EYS: variants seen among roughly 807,000 people sequenced by gnomAD.
The protein encoded by EYS is protein eyes shut homolog.
A neutral mutation model predicts 282.1 loss-of-function variants in EYS; 250 were observed. The ratio of observed to expected loss-of-function variants is 0.89; its 90% CI spans 0.80 to 0.98. EYS has a LOEUF of 0.98. EYS is among the 50% of genes least tolerant of loss of function. The pLI, the probability that EYS is intolerant of heterozygous loss-of-function variation, is 0.00. For missense variants in EYS, 4,016 were observed against 3,709.0 expected, an observed-to-expected ratio of 1.08 and a Z score of -2.15; for synonymous variants, 1,355 against 1,282.9, an observed-to-expected ratio of 1.06 and a Z score of -1.20.
intron 31 of EYS, among the ~76,000 whole-genome samples, chr6:64,096,578 T>C (rs1270782455): frequency 6.6e-6 from 1 of 152,258 alleles, no homozygotes; most frequent in African/African-American, 2.4e-5. Flanking sequence ...CACGTAGTTC[T>C]CATGCTGTGG....
rs560058742 is a variant in EYS at position 63,999,368 on chromosome 6, C to T, written c.6726-185G>A. Among the ~76,000 whole-genome samples, 642 of 152,290 alleles carry T rather than the reference C, an allele frequency of 4.2e-3. 6 individuals are homozygous for T. The highest frequency in any genetic ancestry group is 7.1e-3 in the Non-Finnish European group (482 of 68,006). On this transcript the variant is annotated intron_variant, in intron 33 of 42. Coordinates refer to ENST00000503581, the MANE Select transcript of EYS (RefSeq NM_001142800.2). The stretch of plus-strand genomic sequence containing the variant: ...GATAAAAGATGTATTTCTTTTCTAA[C>T]ACTGCGTTTTATTTTCCTTCTCTCC...
intron 35 of EYS, among the ~76,000 whole-genome samples, chr6:63,962,979 A>G (rs1766142803): frequency 1.3e-5 from 2 of 152,088 alleles, no homozygotes; most frequent in Admixed American, 6.6e-5. Flanking sequence ...TGAAGCTGGA[A>G]ACCATCATTC....
At chr6:64,942,150 T>C (rs1423838313) in intron 15 of EYS, among the ~76,000 whole-genome samples, 1 of 151,878 alleles carries the variant, frequency 6.6e-6, no homozygotes, top group Non-Finnish European at 1.5e-5. Context: ...ATAATAACAA[T>C]GCTGATGTGT....
chr6:65,221,393 C>T (rs1161016941), intron 12 of EYS, among the ~76,000 whole-genome samples: 1 of 152,146 alleles, frequency 6.6e-6, no homozygotes, highest in Admixed American at 6.5e-5. Flanking sequence ...GACTTGATGC[C>T]CTATGTCCCA....
intron 19 of EYS, among the ~76,000 whole-genome samples, chr6:64,866,103 C>T (rs1766417618): frequency 1.3e-5 from 2 of 151,920 alleles, no homozygotes; most frequent in Non-Finnish European, 2.9e-5. Context: ...ATTTTTATTA[C>T]CATATTACAT....
At chr6:63,882,015 G>T (rs1482462) in intron 35 of EYS, among the ~76,000 whole-genome samples, 4 of 152,158 alleles carry the variant, frequency 2.6e-5, no homozygotes, top group African/African-American at 9.7e-5. Flanking sequence ...AACTGATTTA[G>T]CCTTTTGCAT....
intron 31 of EYS, among the ~76,000 whole-genome samples, chr6:64,105,587 A>G (rs1458455171): frequency 1.3e-5 from 2 of 152,084 alleles, no homozygotes; most frequent in African/African-American, 4.8e-5. Flanking sequence ...TGTTCAGCCT[A>G]TTCATCCTTC....
rs972517501 is a variant in EYS at position 63,721,735 on chromosome 6, T to C, written c.8296A>G (p.Arg2766Gly). ...SVQLRYNLGD[R>G]TIILETLQKV... Reference sequence around the variant, plus strand: ...TGGAGAGTTTCTAGAATGATAGTTCTGTCGCCAAGGTTGTAGCGAAGTTGA... The same window carrying C: ...TGGAGAGTTTCTAGAATGATAGTTCCGTCGCCAAGGTTGTAGCGAAGTTGA... The change falls in exon 43 of 43, where the codon AGA (arginine) becomes GGA (glycine). Residue 2766 changes from arginine to glycine, a missense_variant. Arg to Gly is a moderately radical substitution (Grantham distance 125, BLOSUM62 -2). Transcript: ENST00000503581. The C allele has an allele frequency of 6.4e-7, 1 of 1,550,834 alleles. No individual in the cohort carries two copies. Among genetic ancestry groups the C allele is most frequent in the African/African-American group, 1.4e-5 (1 of 73,152 alleles).
intron 1 of EYS, among the ~76,000 whole-genome samples, chr6:65,673,663 T>C (rs1045491242): frequency 6.6e-6 from 1 of 151,950 alleles, no homozygotes; most frequent in African/African-American, 2.4e-5. Flanking sequence ...GACAGTAAGG[T>C]GCATGAAAGT....
intron 6 of EYS, among the ~76,000 whole-genome samples, chr6:65,404,241 C>A (rs1489123151): frequency 1.3e-5 from 2 of 152,032 alleles, no homozygotes; most frequent in East Asian, 3.9e-4. Context: ...CTCTCTTCCA[C>A]TTTAAAGGAC....
rs557577988 is a variant in EYS, at chr6:64,290,263, C to A, written c.6191+16707G>T. Among the ~76,000 whole-genome samples the A allele has an allele frequency of 2.0e-4, 31 of 152,118 alleles. No homozygotes were observed. The Middle Eastern group carries it at 0.014, about 67-fold the overall frequency. ...AATTATCTGTGTATGTGTTCTCCCCCCAATATACTGTGAGTTCCTTAATGA... is the reference window on the plus strand; with the variant it reads ...AATTATCTGTGTATGTGTTCTCCCCACAATATACTGTGAGTTCCTTAATGA... On this transcript the variant is annotated intron_variant, in intron 30 of 42. Coordinates refer to ENST00000503581, the MANE Select transcript of EYS (RefSeq NM_001142800.2).
At chr6:64,903,112 A>G (rs959927447) in intron 16 of EYS, among the ~76,000 whole-genome samples, 2 of 152,140 alleles carry the variant, frequency 1.3e-5, no homozygotes, top group African/African-American at 4.8e-5. Context: ...GCATGATATC[A>G]CTTTTTAAAA....
intron 5 of EYS, among the ~76,000 whole-genome samples, chr6:65,469,215 A>G (rs1225732350): frequency 6.6e-6 from 1 of 152,002 alleles, no homozygotes; most frequent in African/African-American, 2.4e-5. Flanking sequence ...GCGACCTTAT[A>G]TAATACATCA....
chr6:64,166,373 G>A (rs1764291292), intron 31 of EYS, among the ~76,000 whole-genome samples: 1 of 152,188 alleles, frequency 6.6e-6, no homozygotes, highest in Non-Finnish European at 1.5e-5. Context: ...TTTGCACAAG[G>A]CTTCCACTAA....
chr6:64,220,644 A>T (rs552136075), intron 31 of EYS, among the ~76,000 whole-genome samples: 29 of 152,274 alleles, frequency 1.9e-4, no homozygotes, highest in African/African-American at 6.5e-4. Flanking sequence ...GAAAAATGAA[A>T]CATGACTCGA....
intron 29 of EYS, among the ~76,000 whole-genome samples, chr6:64,340,128 T>C (rs1018465899): frequency 4.0e-5 from 6 of 151,238 alleles, no homozygotes; most frequent in Admixed American, 3.3e-4. Flanking sequence ...TTTTCAGCCC[T>C]GTAGAAGTAT....
Position 64,352,979 on chromosome 6 carries a change from T to C in EYS, c.6078+35711A>G, listed in dbSNP as rs565805994. On this transcript the variant is annotated intron_variant, in intron 29 of 42. Coordinates refer to ENST00000503581, the MANE Select transcript of EYS (RefSeq NM_001142800.2). The stretch of plus-strand genomic sequence containing the variant: ...TTCAACAACTATTTGTTGGGTCTTA[T>C]GTTCACTAGAAATTGTGCTATGGAC... Among the ~76,000 whole-genome samples, 7 of 151,650 alleles carry C rather than the reference T, an allele frequency of 4.6e-5. No homozygotes were observed. In the South Asian group the frequency reaches 8.3e-4, roughly 18 times the overall value.
intron 35 of EYS, among the ~76,000 whole-genome samples, chr6:63,954,995 G>T (rs1765753948): frequency 6.6e-6 from 1 of 152,134 alleles, no homozygotes; most frequent in African/African-American, 2.4e-5. Flanking sequence ...TACACATCAA[G>T]CTTGGGGATT....
At chr6:64,520,835 C>T (rs1352922834) in intron 26 of EYS, among the ~76,000 whole-genome samples, 2 of 151,730 alleles carry the variant, frequency 1.3e-5, no homozygotes, top group Non-Finnish European at 2.9e-5. Flanking sequence ...ACTCTCAGAA[C>T]TCTGGTGTAT....
Sources: gnomAD v4.1 joint callset for allele counts (sites outside exome capture counted in the v4.1 genomes callset) on GRCh38, gnomAD v4.1.1 for gene constraint, MANE v1.5 for transcripts, NCBI Gene and HGNC (gene_info 2026-07-23, HGNC 2026-07-21) for gene names.